The following STON2 variants were observed in gnomAD, a reference collection of about 807,000 sequenced individuals.
STON2 encodes stonin 2.
Under a neutral mutation model 65.7 loss-of-function variants are expected in STON2, and 29 were observed. That is an observed-to-expected ratio of 0.44 (90% CI 0.33 to 0.60). The LOEUF (loss-of-function observed/expected upper bound fraction) is 0.60, where lower values mean the gene tolerates loss of function less well. Among genes scored for constraint, STON2 ranks in the 20% least tolerant of loss-of-function variants. STON2 has a pLI of 0.03. For missense variants in STON2, 1,054 were observed against 1,118.1 expected, an observed-to-expected ratio of 0.94 and a Z score of 0.82; for synonymous variants, 404 against 414.2, an observed-to-expected ratio of 0.98 and a Z score of 0.30.
chr14:81,406,750 T>C (rs578038497), intron 2 of STON2, among the ~76,000 whole-genome samples: 1 of 152,286 alleles, frequency 6.6e-6, no homozygotes, highest in African/African-American at 2.4e-5. Context: ...TCCAGTATCT[T>C]TGTCCCATTC....
chr14:81,399,678 A>G (rs1900504620), intron 1 of STON2, among the ~76,000 whole-genome samples: 1 of 152,228 alleles, frequency 6.6e-6, no homozygotes, highest in African/African-American at 2.4e-5. Context: ...TTTTCATACC[A>G]TACTTCACTT....
chr14:81,322,157 T>C (rs1896843029), intron 5 of STON2, among the ~76,000 whole-genome samples: 1 of 152,078 alleles, frequency 6.6e-6, no homozygotes, highest in Non-Finnish European at 1.5e-5. Flanking sequence ...GGGCTGGCAC[T>C]ACATGGAGGA....
chr14:81,265,679 C>T lies in STON2; in HGVS notation c.*2735G>A, dbSNP rs1894332564. The T allele has an allele frequency of 3.8e-6, 1 of 266,466 alleles. No homozygotes were observed. The highest frequency in any genetic ancestry group is 1.6e-4 in the South Asian group (1 of 6,086). The allele number at this position is 266,466 out of a possible 1,614,324, so 16.5% of individuals were successfully genotyped here. A position where few individuals can be genotyped will look rare whatever the true frequency, so the allele number is the denominator to read the frequency against. ...TAATAATAATAATAATAATAATACT[C>T]TGTCTCAATAATAATAATAATAATA... On this transcript the variant is annotated 3_prime_UTR_variant, in exon 8 of 8. Transcript: ENST00000614646.
intron 3 of STON2, among the ~76,000 whole-genome samples, chr14:81,378,141 C>G (rs1378935839): frequency 2.7e-5 from 4 of 150,024 alleles, no homozygotes; most frequent in South Asian, 4.2e-4. Flanking sequence ...CCACCACACC[C>G]AGCCTAGCCC....
In STON2 at chr14:81,297,567, C is replaced by G. The variant is rs1212441273; in HGVS notation, c.743-18828G>C. Among the ~76,000 whole-genome samples the G allele has an allele frequency of 2.6e-5, 4 of 152,152 alleles. No homozygotes were observed. The East Asian group carries it at 7.7e-4, about 29-fold the overall frequency. On this transcript the variant is annotated intron_variant, in intron 5 of 7. Transcript: ENST00000614646. ...TGCCCCACAATATGGTTGTGAGGAC[C>G]AAATAAGACATGTGAATGCTACTGT...
chr14:81,304,886 T>A (rs1369338301), intron 5 of STON2, among the ~76,000 whole-genome samples: 1 of 152,200 alleles, frequency 6.6e-6, no homozygotes, highest in Admixed American at 6.5e-5. Context: ...TCAATAGCTT[T>A]TTACAAAGTG....
chr14:81,265,387 G>A lies in STON2; in HGVS notation c.*3027C>T, dbSNP rs1165664706. ...AATAATTTGTGGGTCCAGCATGGTGGCTCACGCCTGTAATCCCAGAGCTTT... is the reference window on the plus strand; with the variant it reads ...AATAATTTGTGGGTCCAGCATGGTGACTCACGCCTGTAATCCCAGAGCTTT... On this transcript the variant is annotated 3_prime_UTR_variant, in exon 8 of 8. Coordinates refer to ENST00000614646, the MANE Select transcript of STON2 (RefSeq NM_001394390.1). The A allele has an allele frequency of 1.0e-6, 1 of 973,504 alleles. No individual in the cohort carries two copies. The highest frequency in any genetic ancestry group is 1.2e-6 in the Non-Finnish European group (1 of 819,236). 60.3% of individuals were successfully genotyped at this position (973,504 alleles called of 1,614,324 possible).
chr14:81,407,609 TG>T, intron 2 of STON2, among the ~76,000 whole-genome samples: 1 of 152,216 alleles, frequency 6.6e-6, no homozygotes, highest in East Asian at 1.9e-4. Context: ...TCCAGTCATC[TG>T]TTTGGAGTTT....
chr14:81,425,214 T>G (rs1375848282), intron 2 of STON2, among the ~76,000 whole-genome samples: 1 of 152,164 alleles, frequency 6.6e-6, no homozygotes, highest in East Asian at 1.9e-4. Flanking sequence ...ATATTATTAT[T>G]TGCTAAGTGA....
chr14:81,365,760 TA>T (rs200607064), intron 4 of STON2, among the ~76,000 whole-genome samples: 14 of 151,518 alleles, frequency 9.2e-5, no homozygotes, highest in African/African-American at 3.2e-4. Context: ...TGTCTCAAAA[TA>T]AAAAAATTAA....
In STON2 at chr14:81,276,997, C is replaced by G; in HGVS notation, c.2485G>C (p.Glu829Gln). Reference sequence around the variant, plus strand: ...CCCAGAGTTACTCTCATGACAGGCTCAGAGCCAGAAACACTAGTGGAGCCA... The same window carrying G: ...CCCAGAGTTACTCTCATGACAGGCTGAGAGCCAGAAACACTAGTGGAGCCA... ...SFGSTSVSGS[E>Q]PVMRVTLGTA... is the part of the protein sequence containing the mutation. Residue 829 changes from glutamate to glutamine, a missense_variant, in exon 6 of 8, where the codon GAG becomes CAG. Transcript: ENST00000614646. 2 of 1,614,224 alleles carry G rather than the reference C, an allele frequency of 1.2e-6. No individual in the cohort carries two copies. The highest frequency in any genetic ancestry group is 1.7e-6 in the Non-Finnish European group (2 of 1,180,038).
chr14:81,406,100 T>A (rs4110461), intron 2 of STON2, among the ~76,000 whole-genome samples: 1 of 152,168 alleles, frequency 6.6e-6, no homozygotes, highest in African/African-American at 2.4e-5. Context: ...CAGGGGCTCC[T>A]GGGCCTTTGA....
chr14:81,312,221 G>A (rs540377354), intron 5 of STON2, among the ~76,000 whole-genome samples: 1 of 152,290 alleles, frequency 6.6e-6, no homozygotes, highest in East Asian at 1.9e-4. Flanking sequence ...ACTGGACCAG[G>A]CAAGCATAAA....
At chr14:81,420,467 G>A (rs1901651602) in intron 2 of STON2, among the ~76,000 whole-genome samples, 1 of 152,136 alleles carries the variant, frequency 6.6e-6, no homozygotes, top group Non-Finnish European at 1.5e-5. Flanking sequence ...CCTATTGCTA[G>A]GGATGTTCTT....
chr14:81,291,064 C>T (rs990458768), intron 5 of STON2, among the ~76,000 whole-genome samples: 1 of 151,874 alleles, frequency 6.6e-6, no homozygotes, highest in African/African-American at 2.4e-5. Flanking sequence ...AGGGAAAATG[C>T]CTTTGAAGTT....
intron 5 of STON2, among the ~76,000 whole-genome samples, chr14:81,302,441 C>A (rs1173583947): frequency 6.6e-6 from 1 of 152,200 alleles, no homozygotes; most frequent in African/African-American, 2.4e-5. Context: ...TCGGATGGTG[C>A]AGCAGGTTAG....
In STON2 at chr14:81,267,147, A is replaced by G. The variant is rs1894387738; in HGVS notation, c.*1267T>C. 3.0e-6 allele frequency: 3 copies of G among 985,406 alleles called. No homozygotes were observed. Among genetic ancestry groups the G allele is most frequent in the South Asian group, 9.4e-5 (2 of 21,280 alleles). The allele number at this position is 985,406 out of a possible 1,614,324, so 61.0% of individuals were successfully genotyped here. A position where few individuals can be genotyped will look rare whatever the true frequency, so the allele number is the denominator to read the frequency against. On this transcript the variant is annotated 3_prime_UTR_variant, in exon 8 of 8. Coordinates refer to ENST00000614646, the MANE Select transcript of STON2 (RefSeq NM_001394390.1). Reference sequence around the variant, plus strand: ...TGTATTCTTCATGGGAGAAAACACTAAGATACAAATAAGAAGCAGAGGTGA... The same window carrying G: ...TGTATTCTTCATGGGAGAAAACACTGAGATACAAATAAGAAGCAGAGGTGA...
intron 3 of STON2, chr14:81,395,412 T>C (rs1900266938): frequency 6.5e-6 from 1 of 153,442 alleles, no homozygotes; most frequent in Admixed American, 6.5e-5. Context: ...CAGCTAATTT[T>C]TGTATTTTTG....
chr14:81,371,689 A>AAAAAAAG (rs1899005376), intron 3 of STON2, among the ~76,000 whole-genome samples: 2 of 145,554 alleles, frequency 1.4e-5, no homozygotes, highest in African/African-American at 5.2e-5. Flanking sequence ...AAAAAAAAAA[A>AAAAAAAG]AAGAAAAGAA....
Sources: gnomAD v4.1 joint callset for allele counts (sites outside exome capture counted in the v4.1 genomes callset) on GRCh38, gnomAD v4.1.1 for gene constraint, MANE v1.5 for transcripts, NCBI Gene and HGNC (gene_info 2026-07-23, HGNC 2026-07-21) for gene names.